SCARB2: variants seen among roughly 807,000 people sequenced by gnomAD.
The protein encoded by SCARB2 is scavenger receptor class B member 2, also known as lysosome membrane protein 2.
Under a neutral mutation model 58.6 loss-of-function variants are expected in SCARB2, and 29 were observed. The ratio of observed to expected loss-of-function variants is 0.49; its 90% CI spans 0.37 to 0.67. The LOEUF is 0.67. SCARB2 is among the 30% of genes least tolerant of loss of function. The pLI, the probability that SCARB2 is intolerant of heterozygous loss-of-function variation, is 0.00. For synonymous variants in SCARB2, 195 were observed against 210.1 expected (o/e 0.93, Z 0.62); for missense variants, 488 against 578.5 (o/e 0.84, Z 1.60).
intron 9 of SCARB2, chr4:76,166,579 C>CAGTCGACAGAA: frequency 1.9e-6 from 1 of 517,206 alleles, no homozygotes; most frequent in Non-Finnish European, 3.5e-6. Flanking sequence ...GGGAAGGCTC[C>CAGTCGACAGAA]AGTCGACAGA....
At chr4:76,179,105 G>T in intron 4 of SCARB2, 1 of 217,656 alleles carries the variant, frequency 4.6e-6, no homozygotes, top group Non-Finnish European at 9.3e-6. Flanking sequence ...CCTGGCTGGA[G>T]TACAGTGGTG....
rs1286888342 is a variant in SCARB2 at position 76,176,437 on chromosome 4, G to A, written c.704C>T (p.Thr235Met). 1.3e-5 allele frequency: 21 copies of A among 1,598,114 alleles called. No individual in the cohort carries two copies. The highest frequency in any genetic ancestry group is 1.5e-5 in the Non-Finnish European group (18 of 1,166,502). Residue 235 changes from threonine to methionine, a missense_variant and splice_region_variant, in exon 5 of 12, where the codon ACG becomes ATG. Transcript: ENST00000264896. ...FTKIVEWNGK[T>M]SLDWWITDKC... is the part of the protein sequence containing the mutation. ...TCCACTGATAAATCATTTGACTTAC[G>A]TTTTCCCATTCCATTCCACAATTTT...
upstream of SCARB2, chr4:76,214,450 G>C: frequency 2.6e-6 from 1 of 381,496 alleles, no homozygotes; most frequent in South Asian, 1.9e-5. Context: ...GGGGGTGAAA[G>C]AGCAAAACCT....
At chr4:76,201,054 C>G (rs920057541) in intron 1 of SCARB2, among the ~76,000 whole-genome samples, 11 of 152,222 alleles carry the variant, frequency 7.2e-5, no homozygotes, top group Non-Finnish European at 1.0e-4. Context: ...TCTGATGCAA[C>G]TGCGTCACCT....
At chr4:76,233,104 G>A (rs535109711) in intron 1 of SCARB2, among the ~76,000 whole-genome samples, 4 of 152,124 alleles carry the variant, frequency 2.6e-5, no homozygotes, top group East Asian at 1.9e-4. Context: ...ACATTTTACC[G>A]TTCTTACACA....
At chr4:76,192,958 C>T (rs1732637021) in intron 2 of SCARB2, 2 of 152,230 alleles carry the variant, frequency 1.3e-5, no homozygotes, top group South Asian at 4.1e-4. Context: ...TGCTGAGAGT[C>T]AAGACAATGG....
intron 1 of SCARB2, among the ~76,000 whole-genome samples, chr4:76,211,982 C>A (rs1733056066): frequency 6.6e-6 from 1 of 152,130 alleles, no homozygotes; most frequent in Non-Finnish European, 1.5e-5. Context: ...TACAGCCACC[C>A]CCTCACCCAG....
At chr4:76,162,887 A>C (rs1409536410) in intron 11 of SCARB2, 1 of 485,182 alleles carries the variant, frequency 2.1e-6, no homozygotes, top group Admixed American at 3.6e-5. Context: ...GAACTCAGGC[A>C]GTCTGACACC....
At chr4:76,181,914 T>C (rs898975053) in intron 2 of SCARB2, among the ~76,000 whole-genome samples, 2 of 152,052 alleles carry the variant, frequency 1.3e-5, no homozygotes, top group African/African-American at 2.4e-5. Flanking sequence ...AGCCCCCAAA[T>C]GAAGCATTAG....
At chr4:76,179,776 C>T (rs1396442207) in intron 3 of SCARB2, 71 bp from the exon 4 acceptor site, 29 of 1,159,404 alleles carry the variant, frequency 2.5e-5, no homozygotes, top group Admixed American at 6.7e-5. Context: ...CTCCTACTAC[C>T]CCATAGCAAA....
At chr4:76,187,515 A>T (rs566049062) in intron 2 of SCARB2, among the ~76,000 whole-genome samples, 3 of 152,366 alleles carry the variant, frequency 2.0e-5, no homozygotes, top group Admixed American at 2.0e-4. Context: ...CATTTACTCT[A>T]TTAAATATAA....
rs935262210 is a variant in SCARB2, at chr4:76,160,241, T to C, written c.*1472A>G. On this transcript the variant is annotated 3_prime_UTR_variant, in exon 12 of 12. Transcript: ENST00000264896. ...ATATTTTTTTCTTCATTTGCTTACA[T>C]TGAAATCCAGTTTTAAACAAAAAAA... The C allele has an allele frequency of 3.9e-5, 6 of 152,214 alleles. No individual in the cohort carries two copies. The highest frequency in any genetic ancestry group is 7.3e-5 in the Non-Finnish European group (5 of 68,030). The allele number at this position is 152,214 out of a possible 1,614,324, so 9.4% of individuals were successfully genotyped here. A position where few individuals can be genotyped will look rare whatever the true frequency, so the allele number is the denominator to read the frequency against.
intron 8 of SCARB2, 47 bp from the exon 9 acceptor site, chr4:76,168,523 G>A: frequency 6.6e-7 from 1 of 1,526,128 alleles, no homozygotes; most frequent in Non-Finnish European, 9.1e-7. Context: ...TTATTAAACT[G>A]CAAACAACTT....
chr4:76,209,692 T>C (rs950472832), intron 1 of SCARB2, among the ~76,000 whole-genome samples: 28 of 152,324 alleles, frequency 1.8e-4, no homozygotes, highest in African/African-American at 6.5e-4. Context: ...GAGGAATCGG[T>C]AGAACAGCTC....
At chr4:76,220,815 T>A (rs1220076285) in intron 1 of SCARB2, among the ~76,000 whole-genome samples, 1 of 152,188 alleles carries the variant, frequency 6.6e-6, no homozygotes, top group Non-Finnish European at 1.5e-5. Flanking sequence ...GGATAACCAG[T>A]CATAGGTACA....
intron 4 of SCARB2, chr4:76,176,740 C>T (rs1732258722): frequency 1.5e-5 from 7 of 475,554 alleles, no homozygotes; most frequent in Non-Finnish European, 2.6e-5. Flanking sequence ...TGTTCAAAGC[C>T]TTACAAGCAA....
chr4:76,214,237 A>G, upstream of SCARB2: 1 of 454,916 alleles, frequency 2.2e-6, no homozygotes, highest in South Asian at 1.6e-5. Context: ...ATTACAACAC[A>G]ATGTAGCAAG....
At chr4:76,200,406 C>A (rs1487711188) in intron 1 of SCARB2, among the ~76,000 whole-genome samples, 1 of 152,158 alleles carries the variant, frequency 6.6e-6, no homozygotes, top group Non-Finnish European at 1.5e-5. Flanking sequence ...ACCACTAAAA[C>A]AAAATACTGG....
At chr4:76,207,778 C>T (rs1732958668) in intron 1 of SCARB2, among the ~76,000 whole-genome samples, 1 of 152,194 alleles carries the variant, frequency 6.6e-6, no homozygotes, top group Non-Finnish European at 1.5e-5. Context: ...TCTGGCAGAA[C>T]AGATGGCCCC....
Sources: allele counts gnomAD v4.1 joint callset (sites outside exome capture counted in the v4.1 genomes callset), GRCh38; gene constraint gnomAD v4.1.1; transcripts MANE v1.5; gene names NCBI Gene and HGNC (gene_info 2026-07-23, HGNC 2026-07-21).